The following FSCN2 variants were observed in gnomAD, a reference collection of about 807,000 sequenced individuals.
FSCN2 encodes fascin-2.
Under a neutral mutation model 37.8 loss-of-function variants are expected in FSCN2, and 46 were observed. The ratio of observed to expected loss-of-function variants is 1.22; its 90% confidence interval spans 0.96 to 1.56. The LOEUF (loss-of-function observed/expected upper bound fraction) is 1.56. Among genes scored for constraint, FSCN2 ranks in the 40% most tolerant of loss-of-function variants. FSCN2 has a pLI of 0.00. For missense variants in FSCN2, 844 were observed against 730.4 expected, an observed-to-expected ratio of 1.16 and a Z score of -1.79; for synonymous variants, 351 against 309.4, an observed-to-expected ratio of 1.13 and a Z score of -1.41.
Position 81,536,209 on chromosome 17 carries a change from C to CG in FSCN2, c.1050dup (p.Arg351AlafsTer105). 3 of 1,600,544 alleles carry CG rather than the reference C, an allele frequency of 1.9e-6. No homozygotes were observed. Among genetic ancestry groups the CG allele is most frequent in the Non-Finnish European group, 2.6e-6 (3 of 1,173,948 alleles). ...GGCGGGTAGCACTCAAAGCCAGCAA[C>CG]GGGCGCTACGTGTGCATGAAGAAGA... is the stretch of plus-strand genomic sequence containing the variant. On this transcript the variant is annotated frameshift_variant, in exon 3 of 5. Transcript: ENST00000417245. LOFTEE classifies it high-confidence loss of function.
chr17:81,532,521 G>GA (rs1555671564), intron 1 of FSCN2, among the ~76,000 whole-genome samples: 5 of 132,464 alleles, frequency 3.8e-5, no homozygotes, highest in Admixed American at 7.2e-5. Context: ...GGTGACGATG[G>GA]TGATGATGAT....
At chr17:81,532,479 A>G (rs1217913797) in intron 1 of FSCN2, among the ~76,000 whole-genome samples, 8 of 117,444 alleles carry the variant, frequency 6.8e-5, no homozygotes, top group South Asian at 3.5e-4. Context: ...GGTGGTGGTG[A>G]TGATAGTGAT....
chr17:81,525,055 G>A (rs1024104535), upstream of FSCN2, among the ~76,000 whole-genome samples: 5 of 152,160 alleles, frequency 3.3e-5, no homozygotes, highest in African/African-American at 1.2e-4. Flanking sequence ...AGGAGTTCGG[G>A]GCTGCCACTG....
At chr17:81,532,437 GTGA>G (rs370696059) in intron 1 of FSCN2, among the ~76,000 whole-genome samples, 29 of 114,804 alleles carry the variant, frequency 2.5e-4, no homozygotes, top group Admixed American at 9.8e-4. Flanking sequence ...GATGATAATG[GTGA>G]TGATGATGGT....
At chr17:81,525,760 G>A (rs186872259), upstream of FSCN2, among the ~76,000 whole-genome samples, 32 of 152,238 alleles carry the variant, frequency 2.1e-4, no homozygotes, top group East Asian at 2.9e-3. Context: ...CCAGACTCCC[G>A]ACATCCAACA....
Position 81,536,128 on chromosome 17 carries a change from T to A in FSCN2, c.984-18T>A. 1 of 1,604,156 alleles carries A rather than the reference T, an allele frequency of 6.2e-7. No homozygotes were observed. The highest frequency in any genetic ancestry group is 1.3e-5 in the African/African-American group (1 of 74,856). On this transcript the variant is annotated intron_variant, in intron 2 of 4. Transcript: ENST00000417245. ...CATCTCCTGCTGTCCTGAGGAGACC[T>A]TTTGCTGCTCCCTCCAGTTCTGCCA... is the stretch of plus-strand genomic sequence containing the variant.
chr17:81,530,824 G>T (rs536498195), intron 1 of FSCN2, among the ~76,000 whole-genome samples: 1 of 152,346 alleles, frequency 6.6e-6, no homozygotes, highest in East Asian at 1.9e-4. Flanking sequence ...CCAGGAGTGA[G>T]AATTCAACTG....
the FSCN2 span, among the ~76,000 whole-genome samples, chr17:81,520,023 C>T: frequency 6.6e-6 from 1 of 152,088 alleles, no homozygotes; most frequent in Non-Finnish European, 1.5e-5. Flanking sequence ...ACTCAGAGAT[C>T]TCACTACATA....
the FSCN2 span, among the ~76,000 whole-genome samples, chr17:81,519,347 T>C: frequency 6.6e-6 from 1 of 152,000 alleles, no homozygotes; most frequent in African/African-American, 2.4e-5. Context: ...GGGCTTCGGG[T>C]GGGCCCAGGA....
In FSCN2 at chr17:81,531,300, GTGATGGTGGTGGTGGTGA is replaced by G. The variant is rs1568077065; in HGVS notation, c.826+1964_826+1981del. Among the ~76,000 whole-genome samples, 804 of 104,758 alleles carry G rather than the reference GTGATGGTGGTGGTGGTGA, an allele frequency of 7.7e-3. 31 individuals are homozygous for G. Among genetic ancestry groups the G allele is most frequent in the Middle Eastern group, 0.047 (8 of 172 alleles). The allele number at this position is 104,758 out of a possible 152,430, so 68.7% of individuals were successfully genotyped here. A position where few individuals can be genotyped will look rare whatever the true frequency, so the allele number is the denominator to read the frequency against. On this transcript the variant is annotated intron_variant, in intron 1 of 4. Coordinates refer to ENST00000417245, the MANE Select transcript of FSCN2 (RefSeq NM_012418.4). Reference sequence around the variant, plus strand: ...GGTGGTGATGGTGATGGTGGTGATGGTGATGGTGGTGGTGGTGATGATGGTGGTGGTGGTGATGGTGGT... The same window carrying G: ...GGTGGTGATGGTGATGGTGGTGATGGTGATGGTGGTGGTGGTGATGGTGGT...
chr17:81,523,453 G>T (rs180773485), upstream of FSCN2, among the ~76,000 whole-genome samples: 1 of 152,354 alleles, frequency 6.6e-6, no homozygotes, highest in East Asian at 1.9e-4. Flanking sequence ...TCATGAGGTC[G>T]CCAGGCTGCA....
intron 2 of FSCN2, among the ~76,000 whole-genome samples, chr17:81,535,899 C>T (rs1022458474): frequency 6.7e-6 from 1 of 149,032 alleles, no homozygotes; most frequent in African/African-American, 2.5e-5. Flanking sequence ...CTTCACCATC[C>T]CCACCACCGT....
chr17:81,531,213 G>A (rs56057292), intron 1 of FSCN2, among the ~76,000 whole-genome samples: 107,934 of 136,422 alleles, frequency 0.79, 41,661 homozygotes, highest in East Asian at 0.91. Flanking sequence ...GGTGGTGATG[G>A]TGGTGATGGT....
chr17:81,525,243 T>C (rs2032315442), upstream of FSCN2, among the ~76,000 whole-genome samples: 5 of 149,678 alleles, frequency 3.3e-5, no homozygotes, highest in Admixed American at 6.7e-5. Flanking sequence ...CTGGCCAACA[T>C]GGTGAAACCT....
chr17:81,531,366 ATGG>A (rs1568077259), intron 1 of FSCN2, among the ~76,000 whole-genome samples: 51 of 55,598 alleles, frequency 9.2e-4, no homozygotes, highest in African/African-American at 2.3e-3. Flanking sequence ...GATGGTGATG[ATGG>A]TGGTGGTGAT....
rs1158027952 is a variant in FSCN2 at position 81,531,822 on chromosome 17, ATGGTGG to A, written c.826+2474_826+2479del. On this transcript the variant is annotated intron_variant, in intron 1 of 4. Coordinates refer to ENST00000417245, the MANE Select transcript of FSCN2 (RefSeq NM_012418.4). Reference sequence around the variant, plus strand: ...GATAATGGTGATGATGGTGGTGGTGATGGTGGTGGTGGTGATGGTGGTGATGGTGAT... The same window carrying A: ...GATAATGGTGATGATGGTGGTGGTGATGGTGGTGATGGTGGTGATGGTGAT... Among the ~76,000 whole-genome samples the A allele has an allele frequency of 2.0e-4, 22 of 112,268 alleles. 1 individual carries two copies. The East Asian group carries it at 5.2e-3, about 27-fold the overall frequency. The allele number at this position is 112,268 out of a possible 152,430, so 73.7% of individuals were successfully genotyped here. A position where few individuals can be genotyped will look rare whatever the true frequency, so the allele number is the denominator to read the frequency against.
chr17:81,531,865 CGATGATGGT>C (rs1230578882), intron 1 of FSCN2, among the ~76,000 whole-genome samples: 59 of 20,510 alleles, frequency 2.9e-3, no homozygotes, highest in South Asian at 8.3e-3. Flanking sequence ...GTGGTGATGG[CGATGATGGT>C]GATGATGGTG....
At chr17:81,525,192 G>A (rs1355796288), upstream of FSCN2, among the ~76,000 whole-genome samples, 5 of 151,986 alleles carry the variant, frequency 3.3e-5, no homozygotes, top group South Asian at 2.1e-4. Context: ...TTGGGAGGCC[G>A]AGGCAGGTGG....
At chr17:81,534,159 A>G (rs1336243722) in intron 1 of FSCN2, among the ~76,000 whole-genome samples, 3 of 152,096 alleles carry the variant, frequency 2.0e-5, no homozygotes, top group Non-Finnish European at 4.4e-5. Flanking sequence ...CGTGAGGGGC[A>G]GCTTTGGGGC....
Sources: allele counts gnomAD v4.1 joint callset (sites outside exome capture counted in the v4.1 genomes callset), GRCh38; gene constraint gnomAD v4.1.1; transcripts MANE v1.5; gene names NCBI Gene and HGNC (gene_info 2026-07-23, HGNC 2026-07-21).